The following DLG4 variants were observed in gnomAD, a reference collection of about 807,000 sequenced individuals.
DLG4 encodes the protein discs large MAGUK scaffold protein 4, also known as disks large homolog 4.
In DLG4, 7 loss-of-function variants were observed where a neutral mutation model predicts 93.8. The ratio of observed to expected loss-of-function variants is 0.07; its 90% confidence interval spans 0.04 to 0.14. DLG4 has a LOEUF of 0.14. Ranked by LOEUF, DLG4 falls within the 10% of genes least tolerant of loss-of-function variation. The pLI, the probability that DLG4 is intolerant of heterozygous loss-of-function variation, is 1.00. For synonymous variants in DLG4, 341 were observed against 387.6 expected, an observed-to-expected ratio of 0.88 and a Z score of 1.41; for missense variants, 545 against 992.9, an observed-to-expected ratio of 0.55 and a Z score of 6.06.
Position 7,193,911 on chromosome 17 carries a change from C to T in DLG4, c.1516-40G>A. On this transcript the variant is annotated intron_variant, in intron 13 of 19. Transcript: ENST00000399506. The surrounding 1 kb of genome is among the most constrained non-coding windows in gnomAD (Gnocchi z 6.7). ...CAGGCCACGGGGTTAGTTATGAGCT[C>T]AGCTCCATGAGCCCTCACACTTCCA... 5 of 1,613,130 alleles carry T rather than the reference C, an allele frequency of 3.1e-6. No individual in the cohort carries two copies. The highest frequency in any genetic ancestry group is 4.2e-6 in the Non-Finnish European group (5 of 1,179,550).
intron 1 of DLG4, among the ~76,000 whole-genome samples, chr17:7,213,098 T>TCTTTC (rs201970207): frequency 9.2e-6 from 1 of 109,056 alleles, no homozygotes; most frequent in African/African-American, 4.6e-5. Flanking sequence ...TTTCTTTCTT[T>TCTTTC]TTTTTTTTTT....
chr17:7,218,328 C>A, upstream of DLG4: 1 of 1,572,902 alleles, frequency 6.4e-7, no homozygotes, highest in Non-Finnish European at 8.7e-7. Context: ...CAGGCCTCTC[C>A]AGGCACATCA....
At chr17:7,217,626 GGA>G in exon 1 of DLG4, 1 of 1,406,480 alleles carries the variant, frequency 7.1e-7, no homozygotes, top group East Asian at 2.8e-5. Flanking sequence ...GGAGAGAGGA[GGA>G]GAGAGGAAGC....
At chr17:7,207,532 G>A (rs1204865260) in intron 2 of DLG4, among the ~76,000 whole-genome samples, 1 of 152,082 alleles carries the variant, frequency 6.6e-6, no homozygotes, top group Non-Finnish European at 1.5e-5. Context: ...GGCGGAGGTA[G>A]GGGGAGGAGG....
At chr17:7,214,470 A>T (rs1406022610) in intron 1 of DLG4, among the ~76,000 whole-genome samples, 1 of 147,450 alleles carries the variant, frequency 6.8e-6, no homozygotes, top group Admixed American at 6.7e-5. Context: ...TGCCTCGCCC[A>T]CACTGTCCCT....
At chr17:7,207,732 G>A (rs1023995202) in intron 2 of DLG4, among the ~76,000 whole-genome samples, 15 of 149,410 alleles carry the variant, frequency 1.0e-4, no homozygotes, top group African/African-American at 2.7e-4. Flanking sequence ...GCGCACGCAC[G>A]CACACACACA....
chr17:7,216,342 C>T (rs772033589), intron 1 of DLG4, among the ~76,000 whole-genome samples: 8 of 152,138 alleles, frequency 5.3e-5, no homozygotes, highest in Non-Finnish European at 8.8e-5. Flanking sequence ...ACCCGGTCCC[C>T]CTCCTCAAAT....
chr17:7,209,012 A>G (rs2070606294), intron 1 of DLG4, among the ~76,000 whole-genome samples: 1 of 152,138 alleles, frequency 6.6e-6, no homozygotes, highest in African/African-American at 2.4e-5. Flanking sequence ...TTATGCTATA[A>G]GGGCATGGGC....
chr17:7,218,134 T>C, upstream of DLG4: 1 of 1,064,762 alleles, frequency 9.4e-7, no homozygotes, highest in Non-Finnish European at 1.4e-6. Context: ...ACTCAGGCTT[T>C]TGTCAGCAGG....
At chr17:7,192,093 G>A in intron 17 of DLG4, 91 bp from the exon 18 acceptor site, 2 of 699,740 alleles carry the variant, frequency 2.9e-6, no homozygotes, top group South Asian at 5.5e-5. Flanking sequence ...GGGAGAGGTG[G>A]GGAATGGGAA....
At chr17:7,218,177 T>C (rs2071020617), upstream of DLG4, 1 of 1,427,912 alleles carries the variant, frequency 7.0e-7, no homozygotes, top group Admixed American at 2.0e-5. Flanking sequence ...TTAGTGATAT[T>C]TGGCTCACCC....
chr17:7,218,098 CG>C, upstream of DLG4: 2 of 750,188 alleles, frequency 2.7e-6, no homozygotes, highest in South Asian at 3.6e-5. Context: ...AGTGCATTCT[CG>C]GTGCCCCAAG....
rs2069328671 is a variant in DLG4, at chr17:7,187,538, C to T, written c.*3170G>A. On this transcript the variant is annotated 3_prime_UTR_variant, in exon 20 of 20. Coordinates refer to ENST00000399506, the MANE Select transcript of DLG4 (RefSeq NM_001321075.3). Reference sequence around the variant, plus strand: ...TCCAGCCTGGGCAACAAGAGCGAAACTCTGTCTCCAATAATAATAATAATA... The same window carrying T: ...TCCAGCCTGGGCAACAAGAGCGAAATTCTGTCTCCAATAATAATAATAATA... Among the ~76,000 whole-genome samples the T allele has an allele frequency of 7.0e-6, 1 of 142,740 alleles. No individual in the cohort carries two copies. Among genetic ancestry groups the T allele is most frequent in the Admixed American group, 7.0e-5 (1 of 14,316 alleles). The allele number at this position is 142,740 out of a possible 152,430, so 93.6% of individuals were successfully genotyped here. A position where few individuals can be genotyped will look rare whatever the true frequency, so the allele number is the denominator to read the frequency against.
Position 7,194,243 on chromosome 17 carries a change from G to T in DLG4, c.1478+76C>A, listed in dbSNP as rs2069652659. 1 of 1,522,150 alleles carries T rather than the reference G, an allele frequency of 6.6e-7. No individual in the cohort carries two copies. The highest frequency in any genetic ancestry group is 1.4e-5 in the African/African-American group (1 of 72,598). 94.3% of individuals were successfully genotyped at this position (1,522,150 alleles called of 1,614,324 possible). A position where few individuals can be genotyped will look rare whatever the true frequency, so the allele number is the denominator to read the frequency against. On this transcript the variant is annotated intron_variant, in intron 12 of 19. Coordinates refer to ENST00000399506, the MANE Select transcript of DLG4 (RefSeq NM_001321075.3). The surrounding 1 kb of genome is among the most constrained non-coding windows in gnomAD (Gnocchi z 4.4). ...AGTTCAGAGGGCAAACCCATCCCCTGTTGGCTGCCCACCCCGGGGGACCTT... is the reference window on the plus strand; with the variant it reads ...AGTTCAGAGGGCAAACCCATCCCCTTTTGGCTGCCCACCCCGGGGGACCTT...
At chr17:7,192,262 A>G in intron 17 of DLG4, 1 of 408,770 alleles carries the variant, frequency 2.4e-6, no homozygotes, top group Non-Finnish European at 4.3e-6. Flanking sequence ...AGGGAGGAGC[A>G]CCAGGCAGGC....
chr17:7,194,104 T>G lies in DLG4; in HGVS notation c.1479-104A>C. On this transcript the variant is annotated intron_variant, in intron 12 of 19. Coordinates refer to ENST00000399506, the MANE Select transcript of DLG4 (RefSeq NM_001321075.3). This position sits in a 1 kb window ranked among gnomAD's most constrained non-coding sequence, Gnocchi z 4.4. ...CCCCTTCTCCATACTCTGGGCCAGCTGACACCCCTTCTCCTGCAGCCCTGG... is the reference window on the plus strand; with the variant it reads ...CCCCTTCTCCATACTCTGGGCCAGCGGACACCCCTTCTCCTGCAGCCCTGG... The G allele has an allele frequency of 6.9e-7, 1 of 1,453,302 alleles. No homozygotes were observed. The highest frequency in any genetic ancestry group is 9.4e-7 in the Non-Finnish European group (1 of 1,067,914). 90.0% of individuals were successfully genotyped at this position (1,453,302 alleles called of 1,614,324 possible).
intron 8 of DLG4, among the ~76,000 whole-genome samples, chr17:7,198,248 C>G (rs1035211726): frequency 6.6e-6 from 1 of 152,126 alleles, no homozygotes; most frequent in Admixed American, 6.6e-5. Context: ...CTGTGGAGGC[C>G]AAGGCAGGCA....
At chr17:7,207,577 C>T (rs753747814) in intron 2 of DLG4, among the ~76,000 whole-genome samples, 15 of 151,978 alleles carry the variant, frequency 9.9e-5, no homozygotes, top group South Asian at 2.1e-4. Flanking sequence ...GGGCAGCAGG[C>T]GCTTGGAACA....
At chr17:7,217,796 G>T (rs749549400), upstream of DLG4, 15 of 1,535,384 alleles carry the variant, frequency 9.8e-6, no homozygotes, top group Middle Eastern at 1.7e-4. Flanking sequence ...CCAGCCACCA[G>T]CGATGACAGC....
Sources: gnomAD v4.1 joint callset for allele counts (sites outside exome capture counted in the v4.1 genomes callset) on GRCh38, gnomAD v4.1.1 for gene constraint, Gnocchi (gnomAD v3.1) non-coding constraint, MANE v1.5 for transcripts, NCBI Gene and HGNC (gene_info 2026-07-23, HGNC 2026-07-21) for gene names.